RERE: variants seen among roughly 807,000 people sequenced by gnomAD.
The protein encoded by RERE is arginine-glutamic acid dipeptide repeats, also known as arginine-glutamic acid dipeptide repeats protein.
A neutral mutation model predicts 146.1 loss-of-function variants in RERE; 40 were observed. That is an observed-to-expected ratio of 0.27 (90% confidence interval 0.21 to 0.36). RERE has a LOEUF of 0.36. RERE is among the 10% of genes least tolerant of loss of function. The pLI is 1.00. For synonymous variants in RERE, 1,003 were observed against 866.0 expected, an observed-to-expected ratio of 1.16 and a Z score of -2.78; for missense variants, 1,933 against 2,138.7, an observed-to-expected ratio of 0.90 and a Z score of 1.90.
At chr1:8,578,216 C>T (rs1010027878) in intron 4 of RERE, among the ~76,000 whole-genome samples, 1 of 152,148 alleles carries the variant, frequency 6.6e-6, no homozygotes, top group African/African-American at 2.4e-5. Flanking sequence ...TTTCGTATTT[C>T]CACAAACTCC....
chr1:8,483,168 A>T (rs1490786324), intron 10 of RERE, among the ~76,000 whole-genome samples: 2 of 152,224 alleles, frequency 1.3e-5, no homozygotes, highest in Admixed American at 1.3e-4. Flanking sequence ...CAAATAAAAA[A>T]TCCTGAACGA....
intron 1 of RERE, among the ~76,000 whole-genome samples, chr1:8,750,150 C>CCAAAA (rs1640501555): frequency 1.0e-5 from 1 of 96,554 alleles, no homozygotes; most frequent in Admixed American, 1.3e-4. Flanking sequence ...GCCTCTGTCT[C>CCAAAA]AAAAAAAAAA....
chr1:8,601,626 CCACACACACACACA>C (rs3082094), intron 4 of RERE, among the ~76,000 whole-genome samples: 233 of 94,966 alleles, frequency 2.5e-3, no homozygotes, highest in South Asian at 0.013. Flanking sequence ...TCCAAGGTCA[CCACACACACACACA>C]CACACACACA....
rs557066722 is a variant in RERE at position 8,616,366 on chromosome 1, A to AT, written c.397-1681dup. ...AACTTTGACAGTATCTGTTTCCCTA[A>AT]TTTTTTTTTAGTACTTCTAACAGGT... On this transcript the variant is annotated intron_variant, in intron 3 of 22. Coordinates refer to ENST00000400908, the MANE Select transcript of RERE (RefSeq NM_001042681.2). Among the ~76,000 whole-genome samples, 213 of 151,594 alleles carry AT rather than the reference A, an allele frequency of 1.4e-3. 5 individuals carry two copies. In the South Asian group the frequency reaches 0.041, roughly 30 times the overall value.
intron 4 of RERE, among the ~76,000 whole-genome samples, chr1:8,602,951 T>A (rs1191520675): frequency 6.6e-6 from 1 of 152,116 alleles, no homozygotes; most frequent in Non-Finnish European, 1.5e-5. Context: ...GACAAAAAGG[T>A]GAATGAAACA....
At chr1:8,640,962 CTT>C (rs1464539949) in intron 2 of RERE, among the ~76,000 whole-genome samples, 20 of 152,196 alleles carry the variant, frequency 1.3e-4, no homozygotes, top group Admixed American at 1.3e-3. Flanking sequence ...GTATTTAAAA[CTT>C]TTTAAAACAA....
rs1456731155 is a variant in RERE, at chr1:8,642,782, T to C, written c.325+13191A>G. Among the ~76,000 whole-genome samples the C allele has an allele frequency of 2.6e-5, 4 of 152,194 alleles. No individual in the cohort carries two copies. The East Asian group carries it at 7.7e-4, about 29-fold the overall frequency. Reference sequence around the variant, plus strand: ...AACCTTCTGGACAGTCATTTCTGCATATAAATATCAATCTTAAGGACTCTT... The same window carrying C: ...AACCTTCTGGACAGTCATTTCTGCACATAAATATCAATCTTAAGGACTCTT... On this transcript the variant is annotated intron_variant, in intron 2 of 22. Transcript: ENST00000400908.
intron 11 of RERE, among the ~76,000 whole-genome samples, chr1:8,459,651 A>T (rs1425857562): frequency 6.6e-6 from 1 of 152,254 alleles, no homozygotes; most frequent in Non-Finnish European, 1.5e-5. Flanking sequence ...CCACGTACGT[A>T]CATAAACAAA....
intron 8 of RERE, among the ~76,000 whole-genome samples, chr1:8,500,211 C>G (rs1156415912): frequency 1.3e-5 from 2 of 152,186 alleles, no homozygotes; most frequent in Non-Finnish European, 2.9e-5. Flanking sequence ...AGTTCTGCTT[C>G]CCCAGCACCG....
intron 1 of RERE, among the ~76,000 whole-genome samples, chr1:8,770,868 G>A (rs934222682): frequency 5.3e-5 from 8 of 152,068 alleles, no homozygotes; most frequent in South Asian, 2.1e-4. Flanking sequence ...GCAAATAACC[G>A]GAGGCAGTCT....
At chr1:8,638,642 C>T (rs139298198) in intron 2 of RERE, among the ~76,000 whole-genome samples, 3 of 152,224 alleles carry the variant, frequency 2.0e-5, no homozygotes, top group African/African-American at 7.2e-5. Flanking sequence ...GAAAACTGAC[C>T]ATACAACAAA....
chr1:8,638,971 C>T (rs1018450993), intron 2 of RERE, among the ~76,000 whole-genome samples: 4 of 151,914 alleles, frequency 2.6e-5, no homozygotes, highest in Admixed American at 2.6e-4. Flanking sequence ...GACAGGGTTT[C>T]ACCATGTTGG....
chr1:8,579,404 T>TTATA (rs1426529787), intron 4 of RERE, among the ~76,000 whole-genome samples: 1 of 152,204 alleles, frequency 6.6e-6, no homozygotes, highest in Non-Finnish European at 1.5e-5. Flanking sequence ...TAGAGGGAAT[T>TTATA]GTAGGAAATC....
At chr1:8,795,854 T>C (rs774510648) in intron 1 of RERE, among the ~76,000 whole-genome samples, 3 of 151,846 alleles carry the variant, frequency 2.0e-5, no homozygotes, top group African/African-American at 4.8e-5. Context: ...TGGTGGCACA[T>C]GCCTGTAATC....
chr1:8,357,517 T>C (rs911131767), intron 20 of RERE, among the ~76,000 whole-genome samples: 4 of 152,202 alleles, frequency 2.6e-5, no homozygotes, highest in African/African-American at 9.6e-5. Context: ...CCACAGGACC[T>C]GTACTCCAAG....
At chr1:8,546,616 G>T (rs1303751595) in intron 6 of RERE, among the ~76,000 whole-genome samples, 1 of 152,022 alleles carries the variant, frequency 6.6e-6, no homozygotes, top group African/African-American at 2.4e-5. Context: ...GGGAGGTCGA[G>T]GTGGGCAGAT....
chr1:8,478,870 T>C (rs531640593), intron 10 of RERE, among the ~76,000 whole-genome samples: 48 of 152,000 alleles, frequency 3.2e-4, no homozygotes, highest in Non-Finnish European at 5.6e-4. Context: ...GGGGCTAGGG[T>C]AGTGGCTGAG....
intron 7 of RERE, among the ~76,000 whole-genome samples, chr1:8,511,115 A>G (rs964786661): frequency 1.4e-4 from 22 of 152,144 alleles, no homozygotes; most frequent in African/African-American, 5.3e-4. Context: ...AAAAAACCCA[A>G]TGTACCATGG....
At chr1:8,757,090 C>CAAAA (rs34237128) in intron 1 of RERE, among the ~76,000 whole-genome samples, 12 of 59,464 alleles carry the variant, frequency 2.0e-4, no homozygotes, top group African/African-American at 6.1e-4. Context: ...AACTCCATCT[C>CAAAA]AAAAAAAAAA....
Sources: allele counts gnomAD v4.1 joint callset (sites outside exome capture counted in the v4.1 genomes callset), GRCh38; gene constraint gnomAD v4.1.1; transcripts MANE v1.5; gene names NCBI Gene and HGNC (gene_info 2026-07-23, HGNC 2026-07-21).